CDKL5: variants seen among roughly 807,000 people sequenced by gnomAD.
CDKL5 encodes the protein cyclin-dependent kinase-like 5.
Under a neutral mutation model 61.7 loss-of-function variants are expected in CDKL5, and 8 were observed. The ratio of observed to expected loss-of-function variants is 0.13; its 90% CI spans 0.08 to 0.23. The LOEUF (loss-of-function observed/expected upper bound fraction) is 0.23, where lower values mean the gene tolerates loss of function less well. Among genes scored for constraint, CDKL5 ranks in the 10% least tolerant of loss-of-function variants. The probability of loss-of-function intolerance (pLI) is 1.00; values close to 1 mark genes in which losing one functional copy is unlikely to be tolerated. For missense variants in CDKL5, 440 were observed against 734.5 expected, an observed-to-expected ratio of 0.60 and a Z score of 4.63; for synonymous variants, 275 against 272.3, an observed-to-expected ratio of 1.01 and a Z score of -0.10.
At chrX:18,462,980 C>T (rs1043199509) in intron 1 of CDKL5, among the ~76,000 whole-genome samples, 4 of 110,627 alleles carry the variant, frequency 3.6e-5, no homozygotes, top group South Asian at 7.7e-4. Context: ...GCCAAGATTG[C>T]GCCACTGCAC....
rs774258136 is a variant in CDKL5, at chrX:18,514,923, C to T, written c.99+4069C>T. On this transcript the variant is annotated intron_variant, in intron 3 of 17. Transcript: ENST00000623535. ...AAGCGATTCTTGTGCCTCAGCCTCC[C>T]GAGTATCTGGGACTATAGGCGCGCA... Among the ~76,000 whole-genome samples, 5 of 109,599 alleles carry T rather than the reference C, an allele frequency of 4.6e-5. No individual in the cohort carries two copies. The South Asian group carries it at 1.2e-3, about 26-fold the overall frequency.
At chrX:18,555,959 TAAC>T (rs1487456457) in intron 3 of CDKL5, among the ~76,000 whole-genome samples, 1 of 112,143 alleles carries the variant, frequency 8.9e-6, no homozygotes, top group Non-Finnish European at 1.9e-5. Context: ...AGTTTTCAAA[TAAC>T]AAATAATATA....
chrX:18,644,709 GC>G, downstream of CDKL5: 1 of 1,006,573 alleles, frequency 9.9e-7, no homozygotes, highest in Non-Finnish European at 1.4e-6. Flanking sequence ...TCGAGGGGAT[GC>G]CAGCATCCAA....
intron 3 of CDKL5, among the ~76,000 whole-genome samples, chrX:18,530,156 G>A (rs1180698296): frequency 9.5e-6 from 1 of 105,182 alleles, no homozygotes; most frequent in Non-Finnish European, 1.9e-5. Flanking sequence ...GTGAAACCCC[G>A]TCTCTACTAA....
In CDKL5 at chrX:18,613,189, T is replaced by C; in HGVS notation, c.2190T>C (p.Asn730=). 1 of 1,190,010 alleles carries C rather than the reference T, an allele frequency of 8.4e-7. No homozygotes were observed. The highest frequency in any genetic ancestry group is 3.1e-5 in the East Asian group (1 of 32,485). Residue 730 remains asparagine, a synonymous_variant, in exon 15 of 18, where the codon AAT becomes AAC. Transcript: ENST00000623535. ...GTCCAGACAATTCTTTCCATGAAAA[T>C]AATGTGTCAACTAGAGTTTCTTCTC... The part of the protein sequence containing the change: ...SPRPDNSFHE[N]NVSTRVSSLP...
At chrX:18,577,291 G>A (rs1925329557) in intron 5 of CDKL5, among the ~76,000 whole-genome samples, 1 of 111,309 alleles carries the variant, frequency 9.0e-6, no homozygotes, top group African/African-American at 3.3e-5. Flanking sequence ...GCTGGTAAAT[G>A]GCTGAGCTGC....
chrX:18,521,086 G>A lies in CDKL5; in HGVS notation c.99+10232G>A, dbSNP rs193141749. ...GTTGCCACCCTAGTGGATGTAGTGT[G>A]GTATCTTATTGTGGTTTTGATTTCC... On this transcript the variant is annotated intron_variant, in intron 3 of 17. Coordinates refer to ENST00000623535, the MANE Select transcript of CDKL5 (RefSeq NM_001323289.2). 4.0e-3 allele frequency among the ~76,000 whole-genome samples: 451 copies of A among 111,726 alleles called. 2 individuals are homozygous for A. Among genetic ancestry groups the A allele is most frequent in the African/African-American group, 0.014 (437 of 30,780 alleles).
At chrX:18,447,562 TTTAC>T (rs1323350185) in intron 1 of CDKL5, among the ~76,000 whole-genome samples, 1 of 111,456 alleles carries the variant, frequency 9.0e-6, no homozygotes, top group Non-Finnish European at 1.9e-5. Flanking sequence ...TAGTCCTAAT[TTTAC>T]TTGACATTTT....
intron 1 of CDKL5, among the ~76,000 whole-genome samples, chrX:18,471,509 A>G (rs752703993): frequency 9.1e-6 from 1 of 110,339 alleles, no homozygotes; most frequent in African/African-American, 3.3e-5. Context: ...AGTGGCTGGG[A>G]CTACAGGCTT....
At chrX:18,446,912 G>A (rs769300781) in intron 1 of CDKL5, among the ~76,000 whole-genome samples, 1 of 111,774 alleles carries the variant, frequency 8.9e-6, no homozygotes, top group African/African-American at 3.3e-5. Flanking sequence ...CCTGTCTCAG[G>A]GGATGAGATG....
At chrX:18,543,946 T>G (rs6527855) in intron 3 of CDKL5, among the ~76,000 whole-genome samples, 12,088 of 111,541 alleles carry the variant, frequency 0.11, 1,320 homozygotes, top group African/African-American at 0.33. Flanking sequence ...AATGAGGAAG[T>G]GGTCTAGTGC....
In CDKL5 at chrX:18,459,976, G is replaced by A. The variant is rs1484454226; in HGVS notation, c.-163+34281G>A. On this transcript the variant is annotated intron_variant, in intron 1 of 17. Transcript: ENST00000623535. ...CAACCTCTGCCTCCTGGGTTCAAGC[G>A]ATTCTCCCACCCCAGCCTCCCGAGT... Among the ~76,000 whole-genome samples, 4 of 109,739 alleles carry A rather than the reference G, an allele frequency of 3.6e-5. No individual in the cohort carries two copies. The Admixed American group carries it at 3.9e-4, about 11-fold the overall frequency.
At chrX:18,461,167 T>A (rs1321560067) in intron 1 of CDKL5, among the ~76,000 whole-genome samples, 5 of 112,479 alleles carry the variant, frequency 4.4e-5, no homozygotes, top group African/African-American at 1.3e-4. Context: ...ACTATGAATG[T>A]TTTTGTACCG....
intron 1 of CDKL5, among the ~76,000 whole-genome samples, chrX:18,478,752 C>T (rs1921426393): frequency 9.5e-6 from 1 of 105,699 alleles, no homozygotes; most frequent in Admixed American, 1.0e-4. Flanking sequence ...GCTCTGTTGC[C>T]CAGGCTGGAG....
At chrX:18,555,416 G>A (rs1416819174) in intron 3 of CDKL5, among the ~76,000 whole-genome samples, 1 of 111,946 alleles carries the variant, frequency 8.9e-6, no homozygotes, top group Non-Finnish European at 1.9e-5. Flanking sequence ...ACAATTTATG[G>A]GCAGATTCAT....
intron 20 of CDKL5, among the ~76,000 whole-genome samples, chrX:18,649,205 T>G (rs1188795248): frequency 3.6e-5 from 4 of 111,101 alleles, no homozygotes; most frequent in African/African-American, 1.3e-4. Context: ...AGTTCCTAAC[T>G]GAATTTCTAC....
chrX:18,559,967 C>T (rs2147129118), intron 3 of CDKL5, among the ~76,000 whole-genome samples: 1 of 109,564 alleles, frequency 9.1e-6, no homozygotes, highest in African/African-American at 3.3e-5. Context: ...ATGAACTCAT[C>T]CTTTTTTATG....
intron 21 of CDKL5, among the ~76,000 whole-genome samples, chrX:18,651,328 G>T (rs1185701399): frequency 1.8e-5 from 2 of 109,219 alleles, no homozygotes; most frequent in Non-Finnish European, 3.8e-5. Flanking sequence ...ATGTGAGAGA[G>T]AAACTTGTCG....
chrX:18,553,982 A>C, intron 3 of CDKL5, among the ~76,000 whole-genome samples: 1 of 111,062 alleles, frequency 9.0e-6, no homozygotes, highest in Middle Eastern at 4.7e-3. Flanking sequence ...AGCAGGTTAG[A>C]GTTTACATCA....
Sources: gnomAD v4.1 joint callset for allele counts (sites outside exome capture counted in the v4.1 genomes callset) on GRCh38, gnomAD v4.1.1 for gene constraint, MANE v1.5 for transcripts, NCBI Gene and HGNC (gene_info 2026-07-23, HGNC 2026-07-21) for gene names.